KCNAB2: variants seen among roughly 807,000 people sequenced by gnomAD.
KCNAB2 encodes potassium voltage-gated channel subfamily A regulatory beta subunit 2.
KCNAB2 carries 29 observed loss-of-function variants against 63.6 expected under a neutral mutation model. The ratio of observed to expected loss-of-function variants is 0.46; its 90% confidence interval spans 0.34 to 0.62. The LOEUF (loss-of-function observed/expected upper bound fraction) is 0.62. Among genes scored for constraint, KCNAB2 ranks in the 20% least tolerant of loss-of-function variants. The probability of loss-of-function intolerance (pLI) is 0.01; values close to 1 mark genes in which losing one functional copy is unlikely to be tolerated. For missense variants in KCNAB2, 359 were observed against 563.9 expected, an observed-to-expected ratio of 0.64 and a Z score of 3.68; for synonymous variants, 222 against 224.2, an observed-to-expected ratio of 0.99 and a Z score of 0.09.
At chr1:6,091,457 T>A (rs951684676) in intron 10 of KCNAB2, 150 bp downstream of exon 10, 1 of 633,528 alleles carries the variant, frequency 1.6e-6, no homozygotes, top group Non-Finnish European at 2.7e-6. Flanking sequence ...GAGAACACCT[T>A]GCAAGTGAAG....
chr1:6,082,622 A>G (rs1664304905), intron 5 of KCNAB2, among the ~76,000 whole-genome samples: 1 of 152,108 alleles, frequency 6.6e-6, no homozygotes, highest in Non-Finnish European at 1.5e-5. Context: ...TTGTGCAACT[A>G]GGGCTGCAGG....
At position 5,994,687 on chromosome 1, in the gene KCNAB2, C is replaced by T. The variant is rs1181533991; in HGVS notation, c.-53+1899C>T. On this transcript the variant is annotated intron_variant, in intron 1 of 16. Coordinates refer to the KCNAB2 transcript ENST00000341524. The surrounding 1 kb of genome is among the most constrained non-coding windows in gnomAD (Gnocchi z 5.4). ...ACCGTCTTGGGTCTGGATTTGGAGC[C>T]TGGATGGGAAGCAGTGTGCACAGAA... is the stretch of plus-strand genomic sequence containing the variant. 6.6e-6 allele frequency among the ~76,000 whole-genome samples: 1 copy of T among 152,134 alleles called. No homozygotes were observed. The highest frequency in any genetic ancestry group is 1.5e-5 in the Non-Finnish European group (1 of 68,026).
intron 1 of KCNAB2, among the ~76,000 whole-genome samples, chr1:6,013,790 G>C (rs905463): frequency 3.3e-5 from 5 of 151,628 alleles, no homozygotes; most frequent in African/African-American, 9.7e-5. Flanking sequence ...GACTCCTGAC[G>C]ACACCCACCC....
At chr1:6,051,871 AG>A (rs1661426178) in intron 2 of KCNAB2, 117 bp downstream of exon 2, 1 of 1,196,008 alleles carries the variant, frequency 8.4e-7, no homozygotes, top group Non-Finnish European at 1.1e-6. Context: ...GGGGAGGCAG[AG>A]GCGGGTGGAT....
upstream of KCNAB2, chr1:6,041,079 C>T (rs998785422): frequency 1.8e-5 from 3 of 162,894 alleles, no homozygotes; most frequent in Non-Finnish European, 2.7e-5. Flanking sequence ...CCACGTCTGC[C>T]GGTTTCCCAA....
chr1:6,075,451 C>T (rs921270458), intron 4 of KCNAB2, among the ~76,000 whole-genome samples: 2 of 152,210 alleles, frequency 1.3e-5, no homozygotes, highest in African/African-American at 4.8e-5. Context: ...TTCTAGATGA[C>T]ACCAAGCTGG....
rs1267464383 is a variant in KCNAB2 at position 6,024,725 on chromosome 1, C to T, written c.-52-15792C>T. On this transcript the variant is annotated intron_variant, in intron 1 of 16. Coordinates refer to the KCNAB2 transcript ENST00000341524. The surrounding 1 kb of genome is among the most constrained non-coding windows in gnomAD (Gnocchi z 5.4). ...TCCGTGCTGGGGGCCAAGAGGATAACGGCTGTTCTCTGGCTCTGGGAGGCA... is the reference window on the plus strand; with the variant it reads ...TCCGTGCTGGGGGCCAAGAGGATAATGGCTGTTCTCTGGCTCTGGGAGGCA... 2.0e-5 allele frequency among the ~76,000 whole-genome samples: 3 copies of T among 152,148 alleles called. No individual in the cohort carries two copies. The highest frequency in any genetic ancestry group is 2.9e-5 in the Non-Finnish European group (2 of 68,028).
At chr1:6,030,812 GTA>G (rs1245867751), upstream of KCNAB2, among the ~76,000 whole-genome samples, 7 of 151,716 alleles carry the variant, frequency 4.6e-5, no homozygotes, top group African/African-American at 1.5e-4. Flanking sequence ...AGGTGTGTGT[GTA>G]TATGTGTGTA....
chr1:6,053,893 A>G (rs981927428), intron 2 of KCNAB2, among the ~76,000 whole-genome samples: 2 of 151,978 alleles, frequency 1.3e-5, no homozygotes, highest in Non-Finnish European at 2.9e-5. Context: ...CAATCAAAAA[A>G]TTAGCCAGGC....
intron 5 of KCNAB2, among the ~76,000 whole-genome samples, chr1:6,083,302 C>A (rs762207808): frequency 6.6e-6 from 1 of 152,202 alleles, no homozygotes; most frequent in East Asian, 1.9e-4. Context: ...CCCACCTCTT[C>A]GCTGCCTGCT....
chr1:6,006,617 TC>T (rs5772214), intron 1 of KCNAB2, among the ~76,000 whole-genome samples: 26 of 1,250 alleles, frequency 0.021, 2 homozygotes, highest in South Asian at 0.042. Context: ...AGCTCCCACA[TC>T]CCCCCACTCC....
At chr1:5,993,014 T>G (rs370187443) in intron 1 of KCNAB2, among the ~76,000 whole-genome samples, 17 of 151,474 alleles carry the variant, frequency 1.1e-4, no homozygotes, top group Admixed American at 3.9e-4. Flanking sequence ...TGTCTTTCCT[T>G]CCCTGTCCTC....
intron 1 of KCNAB2, among the ~76,000 whole-genome samples, chr1:5,996,478 T>C (rs867155780): frequency 1.3e-5 from 2 of 152,206 alleles, no homozygotes; most frequent in Admixed American, 1.3e-4. Flanking sequence ...AGGAGGCTAC[T>C]CCCTGCTCTG....
At position 6,082,279 on chromosome 1, in the gene KCNAB2, G is replaced by A. The variant is rs1664274278; in HGVS notation, c.380+5G>A. 6.2e-7 allele frequency: 1 copy of A among 1,609,982 alleles called. No homozygotes were observed. Among genetic ancestry groups the A allele is most frequent in the Non-Finnish European group, 8.5e-7 (1 of 1,177,232 alleles). Reference sequence around the variant, plus strand: ...AGAAGTCTACGCAGCCGGCAAGTACGTGTCTTTTCACACGGGAAAAAGTGG... The same window carrying A: ...AGAAGTCTACGCAGCCGGCAAGTACATGTCTTTTCACACGGGAAAAAGTGG... On this transcript the variant is annotated splice_donor_5th_base_variant and intron_variant, in intron 5 of 15. Coordinates refer to ENST00000378083, the MANE Select transcript of KCNAB2 (RefSeq NM_001199862.2).
intron 1 of KCNAB2, among the ~76,000 whole-genome samples, chr1:6,014,203 G>A (rs907620195): frequency 6.6e-6 from 1 of 152,134 alleles, no homozygotes; most frequent in Non-Finnish European, 1.5e-5. Context: ...GCTCAGATGG[G>A]TGTCCTTCTC....
chr1:6,095,984 G>A (rs1665600800), intron 13 of KCNAB2: 3 of 433,040 alleles, frequency 6.9e-6, no homozygotes, highest in Non-Finnish European at 1.4e-5. Flanking sequence ...GCTCCGAGAT[G>A]GGGGCTGCAA....
At chr1:6,093,718 T>C (rs1224186564) in intron 10 of KCNAB2, among the ~76,000 whole-genome samples, 4 of 152,094 alleles carry the variant, frequency 2.6e-5, no homozygotes, top group Non-Finnish European at 5.9e-5. Flanking sequence ...GACAGGCGGG[T>C]TGGGACTCTG....
Position 6,046,066 on chromosome 1 carries a change from G to A in KCNAB2, c.-144G>A, listed in dbSNP as rs542569311. The A allele has an allele frequency of 3.4e-4, 333 of 985,300 alleles. No homozygotes were observed. The highest frequency in any genetic ancestry group is 3.8e-4 in the Non-Finnish European group (313 of 829,936). The allele number at this position is 985,300 out of a possible 1,614,324, so 61.0% of individuals were successfully genotyped here. A position where few individuals can be genotyped will look rare whatever the true frequency, so the allele number is the denominator to read the frequency against. On this transcript the variant is annotated 5_prime_UTR_variant, in exon 1 of 16. Transcript: ENST00000378083. ...ATCTCATTCACCAATTGCTTCTGAC[G>A]TCCTGCAGTGACACTCCCTAATGAA...
At chr1:6,025,288 A>T (rs1659071520) in intron 1 of KCNAB2, among the ~76,000 whole-genome samples, 2 of 151,986 alleles carry the variant, frequency 1.3e-5, no homozygotes. Flanking sequence ...AATCACACAC[A>T]CGGGTGTGGC....
Sources: allele counts gnomAD v4.1 joint callset (sites outside exome capture counted in the v4.1 genomes callset), GRCh38; gene constraint gnomAD v4.1.1; non-coding constraint Gnocchi (gnomAD v3.1); transcripts MANE v1.5; gene names NCBI Gene and HGNC (gene_info 2026-07-23, HGNC 2026-07-21).